The following NCOA1 variants were observed in gnomAD, a reference collection of about 807,000 sequenced individuals.
NCOA1 encodes nuclear receptor coactivator 1.
Under a neutral mutation model 150.9 loss-of-function variants are expected in NCOA1, and 35 were observed. That is an observed-to-expected ratio of 0.23 (90% CI 0.18 to 0.31). The LOEUF (loss-of-function observed/expected upper bound fraction) is 0.31, where lower values mean the gene tolerates loss of function less well. NCOA1 is among the 10% of genes least tolerant of loss of function. NCOA1 has a pLI of 1.00. For synonymous variants in NCOA1, 590 were observed against 630.0 expected (o/e 0.94, Z 0.95); for missense variants, 1,491 against 1,749.3 (o/e 0.85, Z 2.63).
At chr2:24,714,960 C>T (rs1039657840) in intron 14 of NCOA1, among the ~76,000 whole-genome samples, 7 of 151,714 alleles carry the variant, frequency 4.6e-5, no homozygotes, top group African/African-American at 1.5e-4. Context: ...GTCAGATAAA[C>T]AAGAAAAAAC....
chr2:24,605,448 G>T (rs151304430), intron 3 of NCOA1, among the ~76,000 whole-genome samples: 325 of 151,990 alleles, frequency 2.1e-3, no homozygotes, highest in African/African-American at 7.6e-3. Flanking sequence ...TATTTTCCTG[G>T]GTTTATACTA....
intron 1 of NCOA1, among the ~76,000 whole-genome samples, chr2:24,512,277 T>A (rs530042928): frequency 1.5e-4 from 23 of 152,348 alleles, no homozygotes; most frequent in Middle Eastern, 3.4e-3. Flanking sequence ...AAACATCATT[T>A]TATAAATAAA....
At position 24,769,342 on chromosome 2, in the gene NCOA1, T is replaced by C. The variant is rs981047736; in HGVS notation, c.*951T>C. ...TTAATTTTATGCTTTTATTATACTC[T>C]TGATTTTTCTAAATTTGTGTGTGAA... is the stretch of plus-strand genomic sequence containing the variant. On this transcript the variant is annotated 3_prime_UTR_variant, in exon 23 of 23. Coordinates refer to ENST00000348332, the MANE Select transcript of NCOA1 (RefSeq NM_003743.5). The C allele has an allele frequency of 5.3e-6, 1 of 187,742 alleles. No homozygotes were observed. Among genetic ancestry groups the C allele is most frequent in the Non-Finnish European group, 1.1e-5 (1 of 88,888 alleles). 11.6% of individuals were successfully genotyped at this position (187,742 alleles called of 1,614,324 possible).
intron 18 of NCOA1, among the ~76,000 whole-genome samples, chr2:24,739,781 A>G (rs1663512828): frequency 6.8e-6 from 1 of 147,984 alleles, no homozygotes; most frequent in Non-Finnish European, 1.5e-5. Flanking sequence ...CCAGATGACT[A>G]AGTAGAAAAA....
chr2:24,695,749 G>C (rs997295398), intron 10 of NCOA1, among the ~76,000 whole-genome samples: 4 of 152,176 alleles, frequency 2.6e-5, no homozygotes, highest in African/African-American at 9.7e-5. Flanking sequence ...GTAGTAGGCA[G>C]AGTATTCTAA....
chr2:24,637,284 C>T (rs1400324415), intron 3 of NCOA1, among the ~76,000 whole-genome samples: 1 of 141,996 alleles, frequency 7.0e-6, no homozygotes, highest in Non-Finnish European at 1.5e-5. Context: ...TTCCTGTGTC[C>T]ACGTGTCAGG....
intron 19 of NCOA1, among the ~76,000 whole-genome samples, chr2:24,744,022 G>A (rs184301827): frequency 1.6e-3 from 245 of 152,276 alleles, no homozygotes; most frequent in Middle Eastern, 3.4e-3. Flanking sequence ...TGGAAAGGCG[G>A]TCCTTCAGTG....
intron 1 of NCOA1, among the ~76,000 whole-genome samples, chr2:24,513,908 T>G (rs564063130): frequency 6.6e-6 from 1 of 152,288 alleles, no homozygotes; most frequent in African/African-American, 2.4e-5. Flanking sequence ...TGAACAGGCT[T>G]CTGATACTGT....
intron 6 of NCOA1, among the ~76,000 whole-genome samples, chr2:24,672,457 C>T (rs1671730524): frequency 6.6e-6 from 1 of 152,148 alleles, no homozygotes; most frequent in African/African-American, 2.4e-5. Context: ...TGCAGTGGCA[C>T]AATTATAGCC....
chr2:24,631,502 A>G (rs571506074), intron 3 of NCOA1, among the ~76,000 whole-genome samples: 20 of 152,220 alleles, frequency 1.3e-4, no homozygotes, highest in Non-Finnish European at 2.4e-4. Context: ...GAGAGAATTT[A>G]CTGTCCTTTA....
At chr2:24,594,970 A>C (rs1198649671) in intron 3 of NCOA1, among the ~76,000 whole-genome samples, 1 of 152,058 alleles carries the variant, frequency 6.6e-6, no homozygotes, top group Non-Finnish European at 1.5e-5. Flanking sequence ...TGTCTCATTG[A>C]AGAAAATTAA....
At chr2:24,755,436 C>G (rs1324291003) in intron 20 of NCOA1, among the ~76,000 whole-genome samples, 1 of 152,244 alleles carries the variant, frequency 6.6e-6, no homozygotes, top group Non-Finnish European at 1.5e-5. Context: ...AGGGACTCCC[C>G]TGCTTGTTAA....
chr2:24,494,737 G>A (rs990224322), intron 1 of NCOA1, among the ~76,000 whole-genome samples: 17 of 152,178 alleles, frequency 1.1e-4, no homozygotes, highest in African/African-American at 3.9e-4. Context: ...GTTTCAGGAG[G>A]TGGATGTCAG....
chr2:24,692,626 G>A (rs185595713), intron 9 of NCOA1, among the ~76,000 whole-genome samples: 1 of 152,254 alleles, frequency 6.6e-6, no homozygotes, highest in East Asian at 1.9e-4. Flanking sequence ...AAAAAACACT[G>A]TGCCACTTAT....
chr2:24,639,920 A>G (rs1194956571), intron 3 of NCOA1, among the ~76,000 whole-genome samples: 1,286 of 5,648 alleles, frequency 0.23, 119 homozygotes, highest in Non-Finnish European at 0.27. Flanking sequence ...GTGTGTGTAT[A>G]TATATATATA....
At chr2:24,756,071 T>TA (rs369987098) in intron 20 of NCOA1, among the ~76,000 whole-genome samples, 50,216 of 105,862 alleles carry the variant, frequency 0.47, 12,626 homozygotes, top group Admixed American at 0.58. Flanking sequence ...CCATCTCTAC[T>TA]AAAAAAAAAA....
chr2:24,666,834 T>C (rs1344479797), intron 6 of NCOA1, among the ~76,000 whole-genome samples: 1 of 152,174 alleles, frequency 6.6e-6, no homozygotes, highest in East Asian at 1.9e-4. Context: ...GGTTGCACCA[T>C]GTTGGCCAGG....
At position 24,730,871 on chromosome 2, in the gene NCOA1, C is replaced by CAA. The variant is rs35975198; in HGVS notation, c.3201+1077_3201+1078dup. Among the ~76,000 whole-genome samples, 509 of 61,788 alleles carry CAA rather than the reference C, an allele frequency of 8.2e-3. 2 individuals are homozygous for CAA. Among genetic ancestry groups the CAA allele is most frequent in the African/African-American group, 0.013 (177 of 14,008 alleles). The allele number at this position is 61,788 out of a possible 152,430, so 40.5% of individuals were successfully genotyped here. On this transcript the variant is annotated intron_variant, in intron 17 of 22. Transcript: ENST00000348332. ...TGAAACCCCATTTCTACTAAAAGTA[C>CAA]AAAAAAAAAAAAAAAAAAAAAACGG...
At chr2:24,696,658 C>G (rs1046449452) in intron 10 of NCOA1, among the ~76,000 whole-genome samples, 1 of 152,126 alleles carries the variant, frequency 6.6e-6, no homozygotes, top group Non-Finnish European at 1.5e-5. Context: ...TAGAGAAGTT[C>G]TCACATGCAT....
Sources: allele counts gnomAD v4.1 joint callset (sites outside exome capture counted in the v4.1 genomes callset), GRCh38; gene constraint gnomAD v4.1.1; transcripts MANE v1.5; gene names NCBI Gene and HGNC (gene_info 2026-07-23, HGNC 2026-07-21).